PCNX2: variants seen among roughly 807,000 people sequenced by gnomAD.
The protein encoded by PCNX2 is pecanex-like protein 2.
In PCNX2, 168 loss-of-function variants were observed where a neutral mutation model predicts 223.8. The ratio of observed to expected loss-of-function variants is 0.75; its 90% CI spans 0.66 to 0.85. The LOEUF (loss-of-function observed/expected upper bound fraction) is 0.85. PCNX2 is among the 40% of genes least tolerant of loss of function. The probability of loss-of-function intolerance (pLI) is 0.00; values close to 1 mark genes in which losing one functional copy is unlikely to be tolerated. For synonymous variants in PCNX2, 1,006 were observed against 1,052.6 expected (o/e 0.96, Z 0.86); for missense variants, 2,507 against 2,675.5 (o/e 0.94, Z 1.39).
At chr1:233,283,001 A>T (rs1371454831) in intron 1 of PCNX2, among the ~76,000 whole-genome samples, 1 of 146,900 alleles carries the variant, frequency 6.8e-6, no homozygotes, top group Non-Finnish European at 1.5e-5. Flanking sequence ...CTGGCAGTAC[A>T]TTACTGGTGA....
intron 19 of PCNX2, among the ~76,000 whole-genome samples, chr1:233,156,851 G>T (rs181361630): frequency 1.3e-5 from 2 of 152,294 alleles, no homozygotes; most frequent in South Asian, 2.1e-4. Flanking sequence ...CCAGGAGGCA[G>T]AGGTTGCAGT....
At chr1:233,208,796 C>A in intron 12 of PCNX2, 107 bp from the exon 13 acceptor site, 13 of 208,988 alleles carry the variant, frequency 6.2e-5, no homozygotes, top group Non-Finnish European at 1.0e-4. Context: ...ACATATAACA[C>A]ATTTTCCCCC....
At chr1:233,196,848 C>G (rs1680766061) in intron 15 of PCNX2, among the ~76,000 whole-genome samples, 2 of 152,108 alleles carry the variant, frequency 1.3e-5, no homozygotes, top group African/African-American at 4.8e-5. Flanking sequence ...CAATCTCACT[C>G]AGGTATTCAC....
At chr1:233,304,374 G>A in the PCNX2 span, among the ~76,000 whole-genome samples, 2 of 152,196 alleles carry the variant, frequency 1.3e-5, no homozygotes, top group East Asian at 1.9e-4. Context: ...TCCTCATTCA[G>A]TTAGCACAAA....
At chr1:233,301,795 C>CTTTTT in the PCNX2 span, among the ~76,000 whole-genome samples, 8 of 132,452 alleles carry the variant, frequency 6.0e-5, no homozygotes, top group Admixed American at 1.6e-4. Flanking sequence ...AGGGAACAAG[C>CTTTTT]TTTTTTTTTT....
At chr1:233,034,120 G>A (rs568858446) in intron 25 of PCNX2, among the ~76,000 whole-genome samples, 1 of 152,300 alleles carries the variant, frequency 6.6e-6, no homozygotes, top group South Asian at 2.1e-4. Flanking sequence ...GCTGAGGCAG[G>A]AGAATTGCTT....
intron 21 of PCNX2, among the ~76,000 whole-genome samples, chr1:233,121,742 T>C (rs1355003719): frequency 2.6e-5 from 4 of 152,228 alleles, no homozygotes; most frequent in African/African-American, 7.2e-5. Flanking sequence ...AAGGCTAGAA[T>C]GATCCATGTA....
chr1:233,115,182 TAA>T, intron 21 of PCNX2, among the ~76,000 whole-genome samples: 1 of 144,858 alleles, frequency 6.9e-6, no homozygotes, highest in South Asian at 2.2e-4. Flanking sequence ...TCGAGGGCAT[TAA>T]AAAAAAAAAG....
At chr1:233,120,164 C>CAAAAAAAAAAAAAAAAAAAAAAAATAAA (rs1228898502) in intron 21 of PCNX2, among the ~76,000 whole-genome samples, 1 of 42,658 alleles carries the variant, frequency 2.3e-5, no homozygotes, top group African/African-American at 9.7e-5. Context: ...GACTCCATTT[C>CAAAAAAAAAAAAAAAAAAAAAAAATAAA]AAAAAAAAAA....
At position 233,143,814 on chromosome 1, in the gene PCNX2, A is replaced by AGCC. The variant is rs1480296503; in HGVS notation, c.3518-3962_3518-3960dup. Reference sequence around the variant, plus strand: ...ATGCAGATAAACTGTTTCCTAAACCAGCCAGATGTGTACACTGTATTCTAA... The same window carrying AGCC: ...ATGCAGATAAACTGTTTCCTAAACCAGCCGCCAGATGTGTACACTGTATTCTAA... On this transcript the variant is annotated intron_variant, in intron 19 of 33. Coordinates refer to ENST00000258229, the MANE Select transcript of PCNX2 (RefSeq NM_014801.4). Among the ~76,000 whole-genome samples, 4 of 152,312 alleles carry AGCC rather than the reference A, an allele frequency of 2.6e-5. No homozygotes were observed. The East Asian group carries it at 7.7e-4, about 29-fold the overall frequency.
Position 233,139,960 on chromosome 1 carries a change from C to T in PCNX2, c.3518-105G>A. 7.2e-7 allele frequency: 1 copy of T among 1,382,082 alleles called. No individual in the cohort carries two copies. The highest frequency in any genetic ancestry group is 9.7e-7 in the Non-Finnish European group (1 of 1,031,526). The allele number at this position is 1,382,082 out of a possible 1,614,324, so 85.6% of individuals were successfully genotyped here. A position where few individuals can be genotyped will look rare whatever the true frequency, so the allele number is the denominator to read the frequency against. ...TTCCCCCCCTTTAATTCAAAAGCTG[C>T]TAATTAAGAACTCGTGATACTAGAC... is the stretch of plus-strand genomic sequence containing the variant. On this transcript the variant is annotated intron_variant, in intron 19 of 33. Transcript: ENST00000258229. The surrounding 1 kb of genome is among the most constrained non-coding windows in gnomAD (Gnocchi z 4.4).
chr1:233,276,132 C>T (rs6697791), intron 1 of PCNX2, among the ~76,000 whole-genome samples: 40,671 of 152,040 alleles, frequency 0.27, 6,208 homozygotes, highest in African/African-American at 0.43. Context: ...GGAATATTAT[C>T]CACTCTTGAA....
In PCNX2 at chr1:233,017,049, G is replaced by A. The variant is rs772740322; in HGVS notation, c.4711C>T (p.Arg1571Cys). The part of the protein sequence containing the change: ...QPFAKWHYIE[R>C]DLAMFNINID... Reference sequence around the variant, plus strand: ...TTAATGTTGAACATTGCAAGGTCACGCTCAATGTAATGCCACTTGGCAAAG... The same window carrying A: ...TTAATGTTGAACATTGCAAGGTCACACTCAATGTAATGCCACTTGGCAAAG... Residue 1571 changes from arginine to cysteine, a missense_variant, in exon 27 of 34, where the codon CGT (arginine) becomes TGT (cysteine). Around this residue, in one of 3 missense-constraint regions of PCNX2, gnomAD observed 1,372 missense variants for 1,509.4 expected, o/e 0.91. Transcript: ENST00000258229. 12 of 1,605,720 alleles carry A rather than the reference G, an allele frequency of 7.5e-6. No homozygotes were observed. Among genetic ancestry groups the A allele is most frequent in the Admixed American group, 1.7e-5 (1 of 59,044 alleles).
At chr1:233,228,918 G>C (rs574957641) in intron 9 of PCNX2, among the ~76,000 whole-genome samples, 15 of 152,198 alleles carry the variant, frequency 9.9e-5, no homozygotes, top group African/African-American at 3.4e-4. Context: ...ATTTCCTCTA[G>C]GCTGACAAAT....
At chr1:233,119,629 G>A (rs570593088) in intron 21 of PCNX2, among the ~76,000 whole-genome samples, 1 of 149,334 alleles carries the variant, frequency 6.7e-6, no homozygotes, top group African/African-American at 2.4e-5. Flanking sequence ...ACAAAAAAAC[G>A]AAAAAATGGC....
rs1404905331 is a variant in PCNX2, at chr1:233,295,594, C to T, written c.-116G>A. On this transcript the variant is annotated 5_prime_UTR_variant, in exon 1 of 34. Transcript: ENST00000258229. This position sits in a 1 kb window ranked among gnomAD's most constrained non-coding sequence, Gnocchi z 4.1. ...CCGCGGGCCGCGCCCCCGCCGTCGC[C>T]GCCGCCGTCGCCCCCGCCGCCTCCT... 2.7e-6 allele frequency: 3 copies of T among 1,108,696 alleles called. No individual in the cohort carries two copies. Among genetic ancestry groups the T allele is most frequent in the African/African-American group, 3.3e-5 (2 of 60,694 alleles). The allele number at this position is 1,108,696 out of a possible 1,614,324, so 68.7% of individuals were successfully genotyped here.
At chr1:232,988,729 G>A (rs138668809) in intron 32 of PCNX2, among the ~76,000 whole-genome samples, 1 of 152,230 alleles carries the variant, frequency 6.6e-6, no homozygotes, top group East Asian at 1.9e-4. Flanking sequence ...TCTGGGATTC[G>A]GATTAGTTAT....
intron 32 of PCNX2, among the ~76,000 whole-genome samples, chr1:232,995,428 T>G (rs1230761319): frequency 6.6e-6 from 1 of 152,186 alleles, no homozygotes. Flanking sequence ...GAAGCATTCA[T>G]GAGAAATTAA....
intron 9 of PCNX2, 145 bp downstream of exon 9, chr1:233,236,700 G>A: frequency 8.5e-7 from 1 of 1,170,888 alleles, no homozygotes; most frequent in Non-Finnish European, 1.2e-6. Context: ...TCAGTAGACT[G>A]CCTTGCAGTG....
Sources: allele counts gnomAD v4.1 joint callset (sites outside exome capture counted in the v4.1 genomes callset), GRCh38; gene constraint gnomAD v4.1.1; regional missense constraint gnomAD v4.1.1; non-coding constraint Gnocchi (gnomAD v3.1); transcripts MANE v1.5; gene names NCBI Gene and HGNC (gene_info 2026-07-23, HGNC 2026-07-21).